PLXDC2: variants seen among roughly 807,000 people sequenced by gnomAD.
PLXDC2 encodes plexin domain-containing protein 2.
A neutral mutation model predicts 68.9 loss-of-function variants in PLXDC2; 40 were observed. That is an observed-to-expected ratio of 0.58 (90% CI 0.45 to 0.76). The LOEUF (loss-of-function observed/expected upper bound fraction) is 0.76, where lower values mean the gene tolerates loss of function less well. PLXDC2 is among the 30% of genes least tolerant of loss of function. The probability of loss-of-function intolerance (pLI) is 0.00; values close to 1 mark genes in which losing one functional copy is unlikely to be tolerated. For missense variants in PLXDC2, 644 were observed against 661.9 expected (o/e 0.97, Z 0.30); for synonymous variants, 243 against 234.2 (o/e 1.04, Z -0.34).
intron 9 of PLXDC2, among the ~76,000 whole-genome samples, chr10:20,204,592 A>T (rs1005401724): frequency 2.6e-5 from 4 of 152,166 alleles, no homozygotes; most frequent in African/African-American, 9.7e-5. Context: ...ATTCGATGTA[A>T]TATTTGTCCA....
chr10:19,883,503 C>G (rs186734488), intron 1 of PLXDC2, among the ~76,000 whole-genome samples: 1 of 152,156 alleles, frequency 6.6e-6, no homozygotes, highest in South Asian at 2.1e-4. Context: ...GTATAGGTTG[C>G]TCTACTTCCT....
intron 1 of PLXDC2, among the ~76,000 whole-genome samples, chr10:19,927,234 G>A (rs1004094820): frequency 1.3e-5 from 2 of 152,178 alleles, no homozygotes; most frequent in African/African-American, 4.8e-5. Context: ...ACACTGAACT[G>A]CAGTAAAACA....
In PLXDC2 at chr10:20,254,874, A is replaced by G. The variant is rs530827126; in HGVS notation, c.1473+9369A>G. 3.3e-5 allele frequency among the ~76,000 whole-genome samples: 5 copies of G among 152,304 alleles called. No individual in the cohort carries two copies. In the South Asian group the frequency reaches 8.3e-4, roughly 25 times the overall value. On this transcript the variant is annotated intron_variant, in intron 13 of 13. Transcript: ENST00000377252. ...ATGAACATCACTGAATGTTTTTGAG[A>G]CATCAGCTCAAGTGCATGGCAATTG...
intron 9 of PLXDC2, among the ~76,000 whole-genome samples, chr10:20,206,415 A>G (rs931241540): frequency 1.3e-5 from 2 of 152,166 alleles, no homozygotes; most frequent in East Asian, 3.9e-4. Flanking sequence ...AGAAGGAGCT[A>G]TTTCTTGGAG....
intron 1 of PLXDC2, among the ~76,000 whole-genome samples, chr10:19,876,934 G>A (rs759798308): frequency 1.3e-5 from 2 of 152,102 alleles, no homozygotes; most frequent in East Asian, 1.9e-4. Context: ...GTACAAAAAC[G>A]TATCTGATCT....
At chr10:19,848,048 G>A (rs371909941) in intron 1 of PLXDC2, among the ~76,000 whole-genome samples, 10 of 152,162 alleles carry the variant, frequency 6.6e-5, no homozygotes, top group East Asian at 5.8e-4. Flanking sequence ...AGTCTGGTGC[G>A]GTGGCTCATG....
chr10:19,970,520 A>G (rs1419897413), intron 1 of PLXDC2, among the ~76,000 whole-genome samples: 1 of 152,202 alleles, frequency 6.6e-6, no homozygotes. Flanking sequence ...ATCACCCTTC[A>G]GATTTCATAG....
At chr10:20,046,792 G>T (rs1835805614) in intron 2 of PLXDC2, 77 bp from the exon 3 acceptor site, 2 of 1,413,448 alleles carry the variant, frequency 1.4e-6, no homozygotes, top group Non-Finnish European at 1.9e-6. Flanking sequence ...ATACTCTTGA[G>T]TTCAATAGGA....
intron 4 of PLXDC2, among the ~76,000 whole-genome samples, chr10:20,089,339 A>G (rs1016814218): frequency 6.6e-6 from 1 of 152,128 alleles, no homozygotes; most frequent in Non-Finnish European, 1.5e-5. Flanking sequence ...TTGAAGCAAG[A>G]GTGGGCTTGT....
intron 6 of PLXDC2, among the ~76,000 whole-genome samples, chr10:20,153,690 A>T (rs1834179291): frequency 6.6e-6 from 1 of 152,172 alleles, no homozygotes; most frequent in Non-Finnish European, 1.5e-5. Context: ...TCTCACAAAA[A>T]CCATGAGTAG....
chr10:20,162,947 GAC>G (rs1160471557), intron 6 of PLXDC2, among the ~76,000 whole-genome samples: 43 of 149,538 alleles, frequency 2.9e-4, no homozygotes, highest in African/African-American at 9.8e-4. Context: ...TGGGTGTGGT[GAC>G]ACACGCCTGT....
chr10:20,208,074 A>C, intron 9 of PLXDC2, among the ~76,000 whole-genome samples: 1 of 152,182 alleles, frequency 6.6e-6, no homozygotes, highest in South Asian at 2.1e-4. Context: ...ATAAGGCAAA[A>C]GTTGAACAGC....
chr10:19,978,579 A>G (rs1188461654), intron 1 of PLXDC2, among the ~76,000 whole-genome samples: 13 of 152,222 alleles, frequency 8.5e-5, no homozygotes, highest in Non-Finnish European at 1.5e-5. Context: ...CTGATGTCAA[A>G]GTAACTTATG....
chr10:20,143,279 A>AT lies in PLXDC2; in HGVS notation c.542-11dup. 1 of 1,595,682 alleles carries AT rather than the reference A, an allele frequency of 6.3e-7. No homozygotes were observed. The highest frequency in any genetic ancestry group is 8.5e-7 in the Non-Finnish European group (1 of 1,171,426). On this transcript the variant is annotated splice_polypyrimidine_tract_variant and intron_variant, in intron 4 of 13. Transcript: ENST00000377252. The stretch of plus-strand genomic sequence containing the variant: ...GCTTCTTTTTCTGAATATGTTTCCT[A>AT]TTTTTCTAATTCTAGGTTTCATATA...
chr10:19,980,871 A>G (rs1020175963), intron 1 of PLXDC2, among the ~76,000 whole-genome samples: 1 of 152,186 alleles, frequency 6.6e-6, no homozygotes, highest in African/African-American at 2.4e-5. Flanking sequence ...GGGAGATGCA[A>G]ACATTCAGTC....
chr10:20,172,025 A>G (rs1290421552), intron 7 of PLXDC2, among the ~76,000 whole-genome samples: 3 of 146,576 alleles, frequency 2.0e-5, no homozygotes, highest in Non-Finnish European at 4.7e-5. Flanking sequence ...CAGAAACGCC[A>G]AAAGCACAGA....
intron 4 of PLXDC2, among the ~76,000 whole-genome samples, chr10:20,118,530 CTGA>C (rs1833652501): frequency 6.6e-6 from 1 of 152,060 alleles, no homozygotes; most frequent in Non-Finnish European, 1.5e-5. Context: ...GTCAGGAGTA[CTGA>C]TAGGAGCGGC....
At chr10:20,142,420 C>G (rs1834018592) in intron 4 of PLXDC2, among the ~76,000 whole-genome samples, 1 of 152,052 alleles carries the variant, frequency 6.6e-6, no homozygotes, top group African/African-American at 2.4e-5. Context: ...CCTGAGCTGA[C>G]TCTCCTTTCA....
intron 4 of PLXDC2, among the ~76,000 whole-genome samples, chr10:20,115,817 G>A (rs1486767778): frequency 1.3e-5 from 2 of 152,136 alleles, no homozygotes; most frequent in Non-Finnish European, 2.9e-5. Context: ...GAAGCTTTGA[G>A]CACTTAGACA....
Sources: gnomAD v4.1 joint callset for allele counts (sites outside exome capture counted in the v4.1 genomes callset) on GRCh38, gnomAD v4.1.1 for gene constraint, MANE v1.5 for transcripts, NCBI Gene and HGNC (gene_info 2026-07-23, HGNC 2026-07-21) for gene names.